The following DTD1 variants were observed in gnomAD, a reference collection of about 807,000 sequenced individuals.
DTD1 encodes D-aminoacyl-tRNA deacylase 1.
Under a neutral mutation model 25.6 loss-of-function variants are expected in DTD1, and 13 were observed. The ratio of observed to expected loss-of-function variants is 0.51; its 90% CI spans 0.33 to 0.81. The LOEUF is 0.81. DTD1 is among the 30% of genes least tolerant of loss of function. The pLI, the probability that DTD1 is intolerant of heterozygous loss-of-function variation, is 0.02. For synonymous variants in DTD1, 110 were observed against 103.6 expected, an observed-to-expected ratio of 1.06 and a Z score of -0.37; for missense variants, 193 against 266.4, an observed-to-expected ratio of 0.72 and a Z score of 1.92.
chr20:18,708,252 T>TATTATATATATTATA, intron 4 of DTD1, among the ~76,000 whole-genome samples: 1 of 31,780 alleles, frequency 3.1e-5, no homozygotes, highest in African/African-American at 1.7e-4. Context: ...ATAATATATA[T>TATTATATATATTATA]TATATATATA....
chr20:18,601,019 A>G (rs1466239321), intron 3 of DTD1, among the ~76,000 whole-genome samples: 2 of 152,120 alleles, frequency 1.3e-5, no homozygotes, highest in African/African-American at 2.4e-5. Flanking sequence ...AAACAAAGAC[A>G]GTTTTATTTT....
intron 4 of DTD1, among the ~76,000 whole-genome samples, chr20:18,644,152 G>T (rs1343765517): frequency 4.0e-5 from 6 of 151,844 alleles, no homozygotes; most frequent in African/African-American, 1.5e-4. Flanking sequence ...TCCTTTTGTG[G>T]ATCTAGATTT....
chr20:18,681,470 C>A (rs1166394602), intron 4 of DTD1, among the ~76,000 whole-genome samples: 1 of 152,170 alleles, frequency 6.6e-6, no homozygotes, highest in African/African-American at 2.4e-5. Context: ...TCTATGGGAT[C>A]CACCAAGTGT....
At chr20:18,649,088 G>GAATTTCAT (rs1312983364) in intron 4 of DTD1, among the ~76,000 whole-genome samples, 1 of 147,620 alleles carries the variant, frequency 6.8e-6, no homozygotes, top group Non-Finnish European at 1.5e-5. Flanking sequence ...TACATCATAT[G>GAATTTCAT]AATTTCATTC....
intron 4 of DTD1, chr20:18,632,241 A>G (rs2060791426): frequency 1.0e-6 from 1 of 985,294 alleles, no homozygotes; most frequent in Non-Finnish European, 1.2e-6. Context: ...ATTAAAAAAG[A>G]CTTTTAGTTA....
In DTD1 at chr20:18,749,417, C is replaced by T. The variant is rs752204922; in HGVS notation, c.*19+5146C>T. On this transcript the variant is annotated intron_variant, in intron 5 of 5. Transcript: ENST00000377452. The surrounding 1 kb of genome is among the most constrained non-coding windows in gnomAD (Gnocchi z 4.2). Reference sequence around the variant, plus strand: ...TGTGTTGGGTCTGTGGGCTGACTCTCGGTCCTGGATAGAAGTGGTGAGGTG... The same window carrying T: ...TGTGTTGGGTCTGTGGGCTGACTCTTGGTCCTGGATAGAAGTGGTGAGGTG... 1.3e-5 allele frequency among the ~76,000 whole-genome samples: 2 copies of T among 151,996 alleles called. No individual in the cohort carries two copies. Among genetic ancestry groups the T allele is most frequent in the Non-Finnish European group, 1.5e-5 (1 of 68,008 alleles).
chr20:18,738,379 TACATGAGGGTGGCTTATA>T (rs2061264897), intron 4 of DTD1, among the ~76,000 whole-genome samples: 1 of 152,170 alleles, frequency 6.6e-6, no homozygotes, highest in Admixed American at 6.5e-5. Context: ...GCCACAAACC[TACATGAGGGTGGCTTATA>T]ACGTGAGGGT....
intron 4 of DTD1, among the ~76,000 whole-genome samples, chr20:18,657,458 T>C (rs1419737062): frequency 2.0e-5 from 3 of 152,256 alleles, no homozygotes; most frequent in African/African-American, 4.8e-5. Flanking sequence ...TTCTGCAATC[T>C]TTCCATTTCT....
chr20:18,670,889 GCATT>G (rs1172066385), intron 4 of DTD1, among the ~76,000 whole-genome samples: 1 of 152,202 alleles, frequency 6.6e-6, no homozygotes, highest in Non-Finnish European at 1.5e-5. Context: ...AGTGCTAGTG[GCATT>G]CATAGTGAAT....
intron 4 of DTD1, among the ~76,000 whole-genome samples, chr20:18,682,805 C>A (rs951932124): frequency 2.6e-5 from 4 of 152,222 alleles, no homozygotes; most frequent in Non-Finnish European, 4.4e-5. Flanking sequence ...TTCTTATGGG[C>A]ATCAACATGT....
chr20:18,662,044 T>C (rs529579878), intron 4 of DTD1, among the ~76,000 whole-genome samples: 7 of 152,062 alleles, frequency 4.6e-5, no homozygotes, highest in East Asian at 1.9e-4. Flanking sequence ...CCTAGCTACT[T>C]AGAAGGCTGA....
chr20:18,714,801 C>T (rs752626017), intron 4 of DTD1, among the ~76,000 whole-genome samples: 4 of 152,336 alleles, frequency 2.6e-5, no homozygotes, highest in Non-Finnish European at 5.9e-5. Context: ...CAGGGCAAAA[C>T]TAATTTCCTA....
At position 18,687,548 on chromosome 20, in the gene DTD1, CT is replaced by C. The variant is rs1298888524; in HGVS notation, c.478-56543del. The stretch of plus-strand genomic sequence containing the variant: ...TTGTAAAACATAAATAAAGGGTTTT[CT>C]TTTTTTTTCTTTTTCTCTTTTTTTA... On this transcript the variant is annotated intron_variant, in intron 4 of 5. Coordinates refer to ENST00000377452, the MANE Select transcript of DTD1 (RefSeq NM_080820.6). Among the ~76,000 whole-genome samples, 4 of 151,274 alleles carry C rather than the reference CT, an allele frequency of 2.6e-5. No homozygotes were observed. The East Asian group carries it at 5.8e-4, about 22-fold the overall frequency.
chr20:18,715,924 T>A (rs2061178734), intron 4 of DTD1, among the ~76,000 whole-genome samples: 1 of 152,208 alleles, frequency 6.6e-6, no homozygotes, highest in African/African-American at 2.4e-5. Context: ...TTGTTGGCAC[T>A]GACTCTTGTT....
At chr20:18,721,093 T>C (rs1338150178) in intron 4 of DTD1, among the ~76,000 whole-genome samples, 1 of 152,234 alleles carries the variant, frequency 6.6e-6, no homozygotes, top group Non-Finnish European at 1.5e-5. Flanking sequence ...CTTGTCTTAC[T>C]GCACTGTCGA....
At chr20:18,695,032 A>G (rs1197588223) in intron 4 of DTD1, among the ~76,000 whole-genome samples, 2 of 152,210 alleles carry the variant, frequency 1.3e-5, no homozygotes, top group African/African-American at 4.8e-5. Context: ...AGCATGAAAA[A>G]CATCAGGACA....
intron 4 of DTD1, among the ~76,000 whole-genome samples, chr20:18,714,337 G>T (rs1402898909): frequency 6.6e-6 from 1 of 152,062 alleles, no homozygotes; most frequent in African/African-American, 2.4e-5. Flanking sequence ...GTTTCATCAG[G>T]CTTCTTGTTC....
intron 4 of DTD1, among the ~76,000 whole-genome samples, chr20:18,701,439 A>G (rs546382984): frequency 6.6e-6 from 1 of 152,260 alleles, no homozygotes; most frequent in African/African-American, 2.4e-5. Context: ...GACCCTGGCC[A>G]TATGTTTTGA....
At chr20:18,721,658 CTG>C (rs1472313661) in intron 4 of DTD1, among the ~76,000 whole-genome samples, 2 of 152,166 alleles carry the variant, frequency 1.3e-5, no homozygotes, top group Admixed American at 6.5e-5. Context: ...TGTTGGTAGA[CTG>C]TGTCTGTAAA....
Sources: allele counts gnomAD v4.1 joint callset (sites outside exome capture counted in the v4.1 genomes callset), GRCh38; gene constraint gnomAD v4.1.1; non-coding constraint Gnocchi (gnomAD v3.1); transcripts MANE v1.5; gene names NCBI Gene and HGNC (gene_info 2026-07-23, HGNC 2026-07-21).